Variants in AOPEP observed in about 807,000 individuals in gnomAD.
AOPEP encodes aminopeptidase O.
AOPEP carries 77 observed loss-of-function variants against 98.1 expected under a neutral mutation model. The ratio of observed to expected loss-of-function variants is 0.78; its 90% CI spans 0.65 to 0.95. AOPEP has a LOEUF of 0.95. AOPEP is among the 40% of genes least tolerant of loss of function. The pLI is 0.00. For missense variants in AOPEP, 1,024 were observed against 1,024.7 expected, an observed-to-expected ratio of 1.00 and a Z score of 0.01; for synonymous variants, 346 against 365.3, an observed-to-expected ratio of 0.95 and a Z score of 0.60.
intron 9 of AOPEP, among the ~76,000 whole-genome samples, chr9:94,956,514 G>T (rs1010370336): frequency 4.6e-5 from 7 of 152,178 alleles, no homozygotes; most frequent in Non-Finnish European, 8.8e-5. Flanking sequence ...GCCCAACAAG[G>T]CCAGACCATT....
the AOPEP span, among the ~76,000 whole-genome samples, chr9:95,128,119 CAGTT>C: frequency 6.6e-6 from 1 of 152,174 alleles, no homozygotes; most frequent in Non-Finnish European, 1.5e-5. Context: ...TTAGGCATGT[CAGTT>C]AATCTCCTGA....
At chr9:95,063,989 A>G (rs1016654023) in intron 14 of AOPEP, among the ~76,000 whole-genome samples, 2 of 152,198 alleles carry the variant, frequency 1.3e-5, no homozygotes, top group Non-Finnish European at 2.9e-5. Flanking sequence ...CTTGCTAACA[A>G]CATTTAGAGG....
chr9:94,916,156 T>C (rs1173068452), intron 5 of AOPEP, among the ~76,000 whole-genome samples: 1 of 152,178 alleles, frequency 6.6e-6, no homozygotes, highest in Non-Finnish European at 1.5e-5. Flanking sequence ...TAAATAAAGA[T>C]TTTCCCTGTA....
Position 94,824,780 on chromosome 9 carries a change from C to A in AOPEP, c.1364+23778C>A, listed in dbSNP as rs541862664. 5.9e-5 allele frequency: 9 copies of A among 151,766 alleles called. 1 individual carries two copies. The highest frequency in any genetic ancestry group is 2.2e-4 in the African/African-American group (9 of 41,396). The allele number at this position is 151,766 out of a possible 1,614,324, so 9.4% of individuals were successfully genotyped here. ...TAATAAATTCGAGAAAATAACCATT[C>A]TTTTACACTTCTTTTTTCTCATTCA... On this transcript the variant is annotated intron_variant, in intron 5 of 16. Coordinates refer to ENST00000375315, the MANE Select transcript of AOPEP (RefSeq NM_001193329.3).
At chr9:94,818,294 A>C (rs530906874) in intron 5 of AOPEP, among the ~76,000 whole-genome samples, 1 of 152,356 alleles carries the variant, frequency 6.6e-6, no homozygotes, top group East Asian at 1.9e-4. Flanking sequence ...TTTATGGGTC[A>C]ATAAACACAT....
chr9:95,034,796 T>TA (rs1345525448), intron 13 of AOPEP, among the ~76,000 whole-genome samples: 1 of 152,192 alleles, frequency 6.6e-6, no homozygotes, highest in Non-Finnish European at 1.5e-5. Context: ...GGTTTGCTGA[T>TA]ACAGATCTCT....
intron 1 of AOPEP, among the ~76,000 whole-genome samples, chr9:94,740,393 A>T (rs1442398588): frequency 6.6e-6 from 1 of 152,202 alleles, no homozygotes; most frequent in Non-Finnish European, 1.5e-5. Context: ...TCTTGGAATT[A>T]GCCCTGGGAG....
chr9:95,126,607 TGTGAAATATCACAAG>T, the AOPEP span: 2 of 1,611,830 alleles, frequency 1.2e-6, no homozygotes, highest in Non-Finnish European at 1.7e-6. Flanking sequence ...ACCATGAGAA[TGTGAAATATCACAAG>T]CACTTTCTCA....
At chr9:95,012,992 G>GGT (rs1554803928) in intron 13 of AOPEP, among the ~76,000 whole-genome samples, 4 of 138,688 alleles carry the variant, frequency 2.9e-5, no homozygotes, top group African/African-American at 8.0e-5. Context: ...TTTTTTGGGG[G>GGT]GGGGGGCAGG....
intron 13 of AOPEP, among the ~76,000 whole-genome samples, chr9:95,009,911 A>G (rs1258128933): frequency 6.6e-6 from 1 of 152,038 alleles, no homozygotes; most frequent in African/African-American, 2.4e-5. Flanking sequence ...CCCAAATGAT[A>G]AATTCTGTTT....
chr9:94,998,950 T>C (rs2061396304), intron 11 of AOPEP, among the ~76,000 whole-genome samples: 1 of 152,188 alleles, frequency 6.6e-6, no homozygotes, highest in South Asian at 2.1e-4. Flanking sequence ...TAGTATTATA[T>C]CTGCGTAGTA....
At chr9:95,015,665 C>T (rs773207058) in intron 13 of AOPEP, among the ~76,000 whole-genome samples, 10 of 152,102 alleles carry the variant, frequency 6.6e-5, no homozygotes, top group South Asian at 2.1e-4. Flanking sequence ...CAGGAGGTAT[C>T]GGAACAGTTT....
intron 13 of AOPEP, among the ~76,000 whole-genome samples, chr9:95,038,608 C>G (rs2065027367): frequency 6.6e-6 from 1 of 152,206 alleles, no homozygotes; most frequent in African/African-American, 2.4e-5. Flanking sequence ...CTCTACAACG[C>G]AAGCACATCA....
intron 7 of AOPEP, chr9:94,935,251 G>C (rs2056078219): frequency 6.6e-6 from 1 of 152,230 alleles, no homozygotes; most frequent in African/African-American, 2.4e-5. Flanking sequence ...TTTGCCTTCT[G>C]CCATAATTGT....
intron 7 of AOPEP, among the ~76,000 whole-genome samples, chr9:94,929,499 C>G (rs1386195181): frequency 6.6e-6 from 1 of 152,272 alleles, no homozygotes; most frequent in African/African-American, 2.4e-5. Context: ...GCACCCTTCC[C>G]ACAGCAAAGT....
At chr9:94,945,455 A>C (rs1055283793) in intron 7 of AOPEP, among the ~76,000 whole-genome samples, 1 of 152,170 alleles carries the variant, frequency 6.6e-6, no homozygotes, top group African/African-American at 2.4e-5. Flanking sequence ...GATGCACTGC[A>C]TGTGAAATAG....
chr9:94,771,551 G>A (rs989386567), intron 2 of AOPEP, among the ~76,000 whole-genome samples: 7 of 152,202 alleles, frequency 4.6e-5, no homozygotes, highest in African/African-American at 1.7e-4. Flanking sequence ...CAAGTGACAA[G>A]GAACTTCATT....
At chr9:94,939,878 A>G (rs1463731839) in intron 7 of AOPEP, among the ~76,000 whole-genome samples, 4 of 152,290 alleles carry the variant, frequency 2.6e-5, no homozygotes, top group African/African-American at 9.6e-5. Context: ...CTGGAGTACT[A>G]TATTTTCAGT....
intron 1 of AOPEP, among the ~76,000 whole-genome samples, chr9:94,743,495 A>G (rs1462267410): frequency 2.6e-5 from 4 of 152,270 alleles, no homozygotes; most frequent in Admixed American, 2.0e-4. Context: ...AGAAAAGGTT[A>G]TAACCTTCTG....
Sources: allele counts gnomAD v4.1 joint callset (sites outside exome capture counted in the v4.1 genomes callset), GRCh38; gene constraint gnomAD v4.1.1; transcripts MANE v1.5; gene names NCBI Gene and HGNC (gene_info 2026-07-23, HGNC 2026-07-21).